SPSB1: variants seen among roughly 807,000 people sequenced by gnomAD.
SPSB1 encodes the protein splA/ryanodine receptor domain and SOCS box containing 1, also known as SPRY domain-containing SOCS box protein 1.
A neutral mutation model predicts 21.2 loss-of-function variants in SPSB1; 8 were observed. The observed-to-expected ratio is 0.38, with a 90% CI of 0.22 to 0.68. The LOEUF (loss-of-function observed/expected upper bound fraction) is 0.68. Ranked by LOEUF, SPSB1 falls within the 30% of genes least tolerant of loss-of-function variation. SPSB1 has a pLI of 0.53. For missense variants in SPSB1, 242 were observed against 377.8 expected, an observed-to-expected ratio of 0.64 and a Z score of 2.98; for synonymous variants, 169 against 161.7, an observed-to-expected ratio of 1.05 and a Z score of -0.34.
chr1:9,362,872 C>G lies in SPSB1; in HGVS notation c.695-4576C>G, dbSNP rs867057429. Among the ~76,000 whole-genome samples, 19 of 152,372 alleles carry G rather than the reference C, an allele frequency of 1.2e-4. No homozygotes were observed. The South Asian group carries it at 2.3e-3, about 18-fold the overall frequency. ...TCTTTGCTGCTCATTCAGCATTGCA[C>G]TCTCATTCACAGAAATTATTTAAAT... On this transcript the variant is annotated intron_variant, in intron 2 of 2. Coordinates refer to ENST00000328089, the MANE Select transcript of SPSB1 (RefSeq NM_025106.4).
chr1:9,317,982 G>T lies in SPSB1; in HGVS notation c.-150+24911G>T, dbSNP rs1364251502. On this transcript the variant is annotated intron_variant, in intron 1 of 2. Coordinates refer to ENST00000328089, the MANE Select transcript of SPSB1 (RefSeq NM_025106.4). The surrounding 1 kb of genome is among the most constrained non-coding windows in gnomAD (Gnocchi z 4.3). The stretch of plus-strand genomic sequence containing the variant: ...CGGCCCGAGCATCTGTGGAACCAGA[G>T]GAAGCTGGGTGGACAGTCGCAGGTT... Among the ~76,000 whole-genome samples, 1 of 152,240 alleles carries T rather than the reference G, an allele frequency of 6.6e-6. No individual in the cohort carries two copies. Among genetic ancestry groups the T allele is most frequent in the Non-Finnish European group, 1.5e-5 (1 of 68,034 alleles).
Position 9,342,763 on chromosome 1 carries a change from C to T in SPSB1, c.-149-12980C>T, listed in dbSNP as rs116333149. Reference sequence around the variant, plus strand: ...GAAACTCCATCTACAGGTGCTGTCTCGGGGCAGCAAGGGCTGCCAAACCAC... The same window carrying T: ...GAAACTCCATCTACAGGTGCTGTCTTGGGGCAGCAAGGGCTGCCAAACCAC... On this transcript the variant is annotated intron_variant, in intron 1 of 2. Transcript: ENST00000328089. Among the ~76,000 whole-genome samples the T allele has an allele frequency of 3.1e-3, 465 of 152,324 alleles. 2 individuals carry two copies. The highest frequency in any genetic ancestry group is 0.01 in the African/African-American group (430 of 41,578).
rs150066443 is a variant in SPSB1, at chr1:9,367,412, A to C, written c.695-36A>C. 1,769 of 1,612,704 alleles carry C rather than the reference A, an allele frequency of 1.1e-3. 19 individuals carry two copies. The African/African-American group carries it at 0.022, about 20-fold the overall frequency. On this transcript the variant is annotated intron_variant, in intron 2 of 2. Transcript: ENST00000328089. This position sits in a 1 kb window ranked among gnomAD's most constrained non-coding sequence, Gnocchi z 5.9. ...AGCGCTGTTTGCTGAACACCCACCC[A>C]AGCTGCGCTGACCTGCAGTTTCTCT... is the stretch of plus-strand genomic sequence containing the variant.
intron 1 of SPSB1, among the ~76,000 whole-genome samples, chr1:9,307,112 G>A (rs1344596414): frequency 1.3e-5 from 2 of 152,002 alleles, no homozygotes; most frequent in Non-Finnish European, 2.9e-5. Context: ...ATTTTTAGTA[G>A]AGATGGGGTT....
At chr1:9,303,409 C>T (rs1639365137) in intron 1 of SPSB1, among the ~76,000 whole-genome samples, 1 of 152,166 alleles carries the variant, frequency 6.6e-6, no homozygotes, top group Non-Finnish European at 1.5e-5. Context: ...CAGCTCCAAC[C>T]ACGTGACCAG....
intron 1 of SPSB1, among the ~76,000 whole-genome samples, chr1:9,314,846 C>G (rs1393007247): frequency 6.6e-6 from 1 of 152,094 alleles, no homozygotes; most frequent in East Asian, 1.9e-4. Context: ...GAAGGAGGCA[C>G]AAATGAGGGA....
chr1:9,310,211 G>A (rs1432243841), intron 1 of SPSB1, among the ~76,000 whole-genome samples: 2 of 152,140 alleles, frequency 1.3e-5, no homozygotes. Flanking sequence ...CCTGCCGTGG[G>A]AAGGCCACAG....
chr1:9,354,725 C>G (rs1447721888), intron 1 of SPSB1, among the ~76,000 whole-genome samples: 1 of 151,936 alleles, frequency 6.6e-6, no homozygotes, highest in Non-Finnish European at 1.5e-5. Flanking sequence ...CACCTGAACC[C>G]AGGAGGTGGA....
rs565418375 is a variant in SPSB1 at position 9,335,038 on chromosome 1, C to T, written c.-149-20705C>T. ...AATATCTGTTCAAGGCCCTGCTTTG[C>T]ATTTATTTGAGTGAACACCCAGAAG... On this transcript the variant is annotated intron_variant, in intron 1 of 2. Coordinates refer to ENST00000328089, the MANE Select transcript of SPSB1 (RefSeq NM_025106.4). Among the ~76,000 whole-genome samples the T allele has an allele frequency of 2.0e-5, 3 of 152,288 alleles. No individual in the cohort carries two copies. In the East Asian group the frequency reaches 5.8e-4, roughly 29 times the overall value.
intron 1 of SPSB1, among the ~76,000 whole-genome samples, chr1:9,332,891 A>C (rs1310753385): frequency 6.6e-6 from 1 of 152,198 alleles, no homozygotes; most frequent in Non-Finnish European, 1.5e-5. Context: ...CTGAGTGCGT[A>C]GAGGGTGACG....
chr1:9,349,211 C>T (rs1274737718), intron 1 of SPSB1, among the ~76,000 whole-genome samples: 6 of 152,344 alleles, frequency 3.9e-5, no homozygotes, highest in African/African-American at 9.6e-5. Flanking sequence ...GGCTGCTCTC[C>T]GGCTCTGAGG....
chr1:9,354,310 C>T (rs1178040803), intron 1 of SPSB1, among the ~76,000 whole-genome samples: 1 of 152,176 alleles, frequency 6.6e-6, no homozygotes, highest in African/African-American at 2.4e-5. Flanking sequence ...TCCCGGCAGC[C>T]AAGGCTCCAA....
At chr1:9,364,443 G>A (rs925332716) in intron 2 of SPSB1, among the ~76,000 whole-genome samples, 33 of 152,328 alleles carry the variant, frequency 2.2e-4, no homozygotes, top group Admixed American at 2.2e-3. Context: ...AAACAAGTCC[G>A]GGCAGACGGA....
intron 1 of SPSB1, among the ~76,000 whole-genome samples, chr1:9,333,550 C>T (rs1015500961): frequency 6.6e-6 from 1 of 152,046 alleles, no homozygotes. Context: ...AGGCTGGTCT[C>T]GAACTCTTGA....
intron 1 of SPSB1, among the ~76,000 whole-genome samples, chr1:9,336,175 T>C (rs962933178): frequency 5.3e-5 from 8 of 152,230 alleles, no homozygotes; most frequent in Non-Finnish European, 1.0e-4. Context: ...TCTCGGGTTG[T>C]TAACTCACTT....
chr1:9,298,831 G>A (rs57959755), intron 1 of SPSB1, among the ~76,000 whole-genome samples: 26,472 of 152,182 alleles, frequency 0.17, 2,439 homozygotes, highest in South Asian at 0.27. Context: ...CTTAGCACCT[G>A]GCAGAATCCA....
chr1:9,340,236 T>G (rs75504344), intron 1 of SPSB1, among the ~76,000 whole-genome samples: 2 of 152,090 alleles, frequency 1.3e-5, no homozygotes, highest in Non-Finnish European at 2.9e-5. Flanking sequence ...GGTTTTCCAT[T>G]TGGGGGCCTA....
intron 2 of SPSB1, among the ~76,000 whole-genome samples, chr1:9,360,671 T>C (rs982981746): frequency 2.0e-5 from 3 of 152,164 alleles, no homozygotes; most frequent in African/African-American, 7.2e-5. Flanking sequence ...GTGCTCCACC[T>C]GTGTATGTGT....
chr1:9,311,736 T>G (rs1314060919), intron 1 of SPSB1, among the ~76,000 whole-genome samples: 1 of 152,114 alleles, frequency 6.6e-6, no homozygotes, highest in Non-Finnish European at 1.5e-5. Flanking sequence ...TGCCGAGTGG[T>G]AGACGTGAAA....
Sources: allele counts gnomAD v4.1 joint callset (sites outside exome capture counted in the v4.1 genomes callset), GRCh38; gene constraint gnomAD v4.1.1; non-coding constraint Gnocchi (gnomAD v3.1); transcripts MANE v1.5; gene names NCBI Gene and HGNC (gene_info 2026-07-23, HGNC 2026-07-21).